ERBB4: variants seen among roughly 807,000 people sequenced by gnomAD.
ERBB4 encodes the protein receptor tyrosine-protein kinase erbB-4.
Under a neutral mutation model 158.0 loss-of-function variants are expected in ERBB4, and 42 were observed. That is an observed-to-expected ratio of 0.27 (90% CI 0.21 to 0.34). The LOEUF is 0.34. ERBB4 is among the 10% of genes least tolerant of loss of function. The probability of loss-of-function intolerance (pLI) is 1.00; values close to 1 mark genes in which losing one functional copy is unlikely to be tolerated. For missense variants in ERBB4, 1,333 were observed against 1,624.1 expected (o/e 0.82, Z 3.08); for synonymous variants, 583 against 558.7 (o/e 1.04, Z -0.61).
At chr2:212,526,031 C>CT (rs1253538934) in intron 1 of ERBB4, among the ~76,000 whole-genome samples, 6 of 151,850 alleles carry the variant, frequency 4.0e-5, no homozygotes, top group South Asian at 2.1e-4. Context: ...TTTGGTTCTC[C>CT]TTTTTTTTCA....
chr2:211,925,243 CT>C (rs1301880613), intron 3 of ERBB4, among the ~76,000 whole-genome samples: 1 of 152,112 alleles, frequency 6.6e-6, no homozygotes, highest in African/African-American at 2.4e-5. Context: ...TTAGTTGAGA[CT>C]TTACCAACAG....
intron 2 of ERBB4, among the ~76,000 whole-genome samples, chr2:211,992,864 T>C (rs1270685047): frequency 6.6e-6 from 1 of 152,226 alleles, no homozygotes; most frequent in African/African-American, 2.4e-5. Context: ...TGTTTGGCTT[T>C]ATTCCAATTT....
chr2:211,548,682 C>CT (rs1425574282), intron 20 of ERBB4, among the ~76,000 whole-genome samples: 1 of 152,024 alleles, frequency 6.6e-6, no homozygotes, highest in Non-Finnish European at 1.5e-5. Context: ...TACCTGGACT[C>CT]TGTCACCTGC....
intron 1 of ERBB4, among the ~76,000 whole-genome samples, chr2:212,216,194 T>C (rs990533288): frequency 6.6e-6 from 1 of 151,390 alleles, no homozygotes; most frequent in Non-Finnish European, 1.5e-5. Flanking sequence ...TTATGTTTAA[T>C]ATCTTTCCCT....
At chr2:211,799,729 T>C (rs2076458394) in intron 3 of ERBB4, among the ~76,000 whole-genome samples, 1 of 152,166 alleles carries the variant, frequency 6.6e-6, no homozygotes, top group Admixed American at 6.6e-5. Context: ...ATCATATGTA[T>C]ATGTTGACCA....
chr2:212,044,997 T>C (rs1211285203), intron 2 of ERBB4, among the ~76,000 whole-genome samples: 1 of 152,124 alleles, frequency 6.6e-6, no homozygotes, highest in Non-Finnish European at 1.5e-5. Context: ...ATATTAACAG[T>C]TAACATAATA....
At chr2:211,808,989 C>A (rs2076685591) in intron 3 of ERBB4, among the ~76,000 whole-genome samples, 1 of 152,164 alleles carries the variant, frequency 6.6e-6, no homozygotes. Context: ...TATCCTGAGA[C>A]TTTGCTGAAG....
intron 3 of ERBB4, among the ~76,000 whole-genome samples, chr2:211,802,192 G>A (rs1000027916): frequency 5.9e-5 from 9 of 152,050 alleles, no homozygotes; most frequent in African/African-American, 2.2e-4. Context: ...TCGGGAGGCG[G>A]AGCTTGCAGT....
intron 2 of ERBB4, among the ~76,000 whole-genome samples, chr2:212,048,642 T>C (rs10445808): frequency 0.2 from 30,764 of 151,752 alleles, 3,606 homozygotes; most frequent in African/African-American, 0.33. Context: ...GAAAGAGGAG[T>C]TGAGAATTCT....
At chr2:211,966,473 C>T (rs1407545267) in intron 2 of ERBB4, among the ~76,000 whole-genome samples, 4 of 152,056 alleles carry the variant, frequency 2.6e-5, no homozygotes, top group Non-Finnish European at 5.9e-5. Flanking sequence ...AACTCCTGAC[C>T]TCATGATCCG....
intron 20 of ERBB4, among the ~76,000 whole-genome samples, chr2:211,487,942 C>T (rs74881549): frequency 0.015 from 2,241 of 152,150 alleles, 51 homozygotes; most frequent in African/African-American, 0.05. Context: ...GAACAATGCT[C>T]TGCTGAGCCT....
intron 20 of ERBB4, among the ~76,000 whole-genome samples, chr2:211,446,710 ATC>A (rs1291134508): frequency 1.4e-4 from 21 of 152,286 alleles, no homozygotes; most frequent in Non-Finnish European, 8.8e-5. Flanking sequence ...ATCTAAAAGT[ATC>A]AGATAACTTT....
chr2:212,346,854 A>G (rs2089025681), intron 1 of ERBB4, among the ~76,000 whole-genome samples: 1 of 152,158 alleles, frequency 6.6e-6, no homozygotes, highest in Non-Finnish European at 1.5e-5. Context: ...AATAATTAAT[A>G]GACCTCAAAA....
At chr2:212,227,255 A>AC (rs2083504071) in intron 1 of ERBB4, among the ~76,000 whole-genome samples, 1 of 151,850 alleles carries the variant, frequency 6.6e-6, no homozygotes, top group African/African-American at 2.4e-5. Context: ...AAAAAAAAAA[A>AC]AAAAATCATA....
intron 2 of ERBB4, among the ~76,000 whole-genome samples, chr2:212,122,344 G>T (rs2079782468): frequency 6.7e-6 from 1 of 149,624 alleles, no homozygotes; most frequent in Non-Finnish European, 1.5e-5. Context: ...ACATGAATGG[G>T]TACATGTCAT....
intron 20 of ERBB4, among the ~76,000 whole-genome samples, chr2:211,556,328 C>A (rs1317470735): frequency 6.6e-6 from 1 of 152,096 alleles, no homozygotes; most frequent in Non-Finnish European, 1.5e-5. Flanking sequence ...GACTCCCACA[C>A]AATAATAGCG....
At chr2:211,797,269 C>T (rs542581813) in intron 3 of ERBB4, among the ~76,000 whole-genome samples, 5 of 151,860 alleles carry the variant, frequency 3.3e-5, no homozygotes, top group East Asian at 1.9e-4. Context: ...AATAAGGGGA[C>T]GGTCATATTA....
At chr2:212,446,641 T>TA (rs1285230044) in intron 1 of ERBB4, among the ~76,000 whole-genome samples, 1 of 59,400 alleles carries the variant, frequency 1.7e-5, no homozygotes, top group Admixed American at 2.2e-4. Context: ...ATATATATCC[T>TA]ATTAGTTCTG....
chr2:212,152,007 T>C (rs1049923357), intron 1 of ERBB4, among the ~76,000 whole-genome samples: 6 of 152,196 alleles, frequency 3.9e-5, no homozygotes, highest in East Asian at 1.9e-4. Context: ...TTCAATTATA[T>C]CTAATTGGGA....
Sources: allele counts gnomAD v4.1 joint callset (sites outside exome capture counted in the v4.1 genomes callset), GRCh38; gene constraint gnomAD v4.1.1; transcripts MANE v1.5; gene names NCBI Gene and HGNC (gene_info 2026-07-23, HGNC 2026-07-21).